RAD51D: variants seen among roughly 807,000 people sequenced by gnomAD.
The protein encoded by RAD51D is DNA repair protein RAD51 homolog 4.
A neutral mutation model predicts 44.1 loss-of-function variants in RAD51D; 38 were observed. That is an observed-to-expected ratio of 0.86 (90% CI 0.67 to 1.13). RAD51D has a LOEUF of 1.13. RAD51D is among the 50% of genes most tolerant of loss of function. The probability of loss-of-function intolerance (pLI) is 0.00; values close to 1 mark genes in which losing one functional copy is unlikely to be tolerated. For missense variants in RAD51D, 390 were observed against 414.0 expected (o/e 0.94, Z 0.50); for synonymous variants, 141 against 166.6 (o/e 0.85, Z 1.18).
rs1418810401 is a variant in RAD51D at position 35,097,551 on chromosome 17, A to G, written c.*3402T>C. 6.6e-6 allele frequency: 1 copy of G among 150,780 alleles called. No individual in the cohort carries two copies. The highest frequency in any genetic ancestry group is 1.5e-5 in the Non-Finnish European group (1 of 67,814). 9.3% of individuals were successfully genotyped at this position (150,780 alleles called of 1,614,324 possible). A position where few individuals can be genotyped will look rare whatever the true frequency, so the allele number is the denominator to read the frequency against. ...TATATATATGTATATGTATATGTAT[A>G]TTTTTTTCCTAAGAACTAGAGAGTG... On this transcript the variant is annotated 3_prime_UTR_variant, in exon 10 of 10. Coordinates refer to ENST00000345365, the MANE Select transcript of RAD51D (RefSeq NM_002878.4).
intron 8 of RAD51D, among the ~76,000 whole-genome samples, chr17:35,102,430 C>T (rs1426882638): frequency 7.5e-6 from 1 of 133,080 alleles, no homozygotes; most frequent in Non-Finnish European, 1.5e-5. Flanking sequence ...CATAAACCAG[C>T]GCACCTGGCC....
At position 35,113,953 on chromosome 17, in the gene RAD51D, A is replaced by G. The variant is rs140695585; in HGVS notation, c.263+4548T>C. On this transcript the variant is annotated intron_variant, in intron 3 of 9. Coordinates refer to ENST00000345365, the MANE Select transcript of RAD51D (RefSeq NM_002878.4). ...TCAGAACCATTAGACTAGAGTAGTT[A>G]GTCTCAATCCTGCCTGCACATTAAA... 4.0e-3 allele frequency among the ~76,000 whole-genome samples: 615 copies of G among 152,312 alleles called. 3 individuals are homozygous for G. Among genetic ancestry groups the G allele is most frequent in the African/African-American group, 0.014 (591 of 41,572 alleles).
rs1384702727 is a variant in RAD51D at position 35,100,314 on chromosome 17, G to C, written c.*639C>G. 1 of 534,292 alleles carries C rather than the reference G, an allele frequency of 1.9e-6. No individual in the cohort carries two copies. The highest frequency in any genetic ancestry group is 1.5e-5 in the South Asian group (1 of 65,170). The allele number at this position is 534,292 out of a possible 1,614,324, so 33.1% of individuals were successfully genotyped here. A position where few individuals can be genotyped will look rare whatever the true frequency, so the allele number is the denominator to read the frequency against. On this transcript the variant is annotated 3_prime_UTR_variant, in exon 10 of 10. Coordinates refer to ENST00000345365, the MANE Select transcript of RAD51D (RefSeq NM_002878.4). ...AGCAAGAGGAAAGGAGGAATAAACT[G>C]TTCTTTGGGCCTCACTGGGGGAAAC... is the stretch of plus-strand genomic sequence containing the variant.
chr17:35,116,639 C>T (rs2091751512), intron 3 of RAD51D, among the ~76,000 whole-genome samples: 1 of 151,980 alleles, frequency 6.6e-6, no homozygotes, highest in Admixed American at 6.6e-5. Context: ...GGACTACAGG[C>T]GCCCGCCACC....
chr17:35,100,683 G>T lies in RAD51D; in HGVS notation c.*270C>A. The T allele has an allele frequency of 1.7e-6, 1 of 599,372 alleles. No individual in the cohort carries two copies. The highest frequency in any genetic ancestry group is 3.1e-6 in the Non-Finnish European group (1 of 325,418). The allele number at this position is 599,372 out of a possible 1,614,324, so 37.1% of individuals were successfully genotyped here. A position where few individuals can be genotyped will look rare whatever the true frequency, so the allele number is the denominator to read the frequency against. The stretch of plus-strand genomic sequence containing the variant: ...AGATGCTCCCAGCCAGGGTGAACTT[G>T]GTTTCCACCAGAAACATACACGTTA... On this transcript the variant is annotated 3_prime_UTR_variant, in exon 10 of 10. Transcript: ENST00000345365.
rs775268017 is a variant in RAD51D at position 35,118,601 on chromosome 17, G to T, written c.163C>A (p.Arg55=). 1 of 1,614,184 alleles carries T rather than the reference G, an allele frequency of 6.2e-7. No individual in the cohort carries two copies. Among genetic ancestry groups the T allele is most frequent in the South Asian group, 1.1e-5 (1 of 91,092 alleles). The change falls in exon 3 of 10, where the codon CGG becomes AGG. Residue 55 remains arginine (R), a synonymous_variant. Transcript: ENST00000345365. ...LSYKALVALR[R]VLLAQFSAFP... ...GCCGAGAACTGAGCCAGCAGCACCC[G>T]CCTCAGGGCAACCAGGGCCTGCCAA...
rs554862083 is a variant in RAD51D, at chr17:35,093,433, T to G, written c.*7520A>C. 6.6e-6 allele frequency: 1 copy of G among 152,152 alleles called. No homozygotes were observed. Among genetic ancestry groups the G allele is most frequent in the African/African-American group, 2.4e-5 (1 of 41,406 alleles). 9.4% of individuals were successfully genotyped at this position (152,152 alleles called of 1,614,324 possible). A position where few individuals can be genotyped will look rare whatever the true frequency, so the allele number is the denominator to read the frequency against. The stretch of plus-strand genomic sequence containing the variant: ...AAGCTGAGGCTATTATACCAAAAAC[T>G]ATAGAGAGGCCAAGGAAGAGCAGAG... On this transcript the variant is annotated 3_prime_UTR_variant, in exon 10 of 10. Coordinates refer to ENST00000345365, the MANE Select transcript of RAD51D (RefSeq NM_002878.4).
chr17:35,116,988 T>C (rs1317285886), intron 3 of RAD51D: 1 of 1,613,918 alleles, frequency 6.2e-7, no homozygotes, highest in Non-Finnish European at 8.5e-7. Context: ...TGCGGGGACC[T>C]GAGGCAGCTG....
intron 3 of RAD51D, among the ~76,000 whole-genome samples, chr17:35,114,581 T>C (rs950528181): frequency 2.0e-5 from 3 of 152,032 alleles, no homozygotes; most frequent in African/African-American, 7.2e-5. Flanking sequence ...TCCCAGCTAC[T>C]TGGGAGGCTG....
rs956293755 is a variant in RAD51D, at chr17:35,119,673, G to A, written c.-60C>T. ...GCACGTCACGTGGGCATTCGCGGGGGGTCCTCTCCAGACGCCCCTCCCCTA... is the reference window on the plus strand; with the variant it reads ...GCACGTCACGTGGGCATTCGCGGGGAGTCCTCTCCAGACGCCCCTCCCCTA... On this transcript the variant is annotated 5_prime_UTR_variant, in exon 1 of 10. Transcript: ENST00000345365. 6.4e-7 allele frequency: 1 copy of A among 1,562,298 alleles called. No homozygotes were observed. Among genetic ancestry groups the A allele is most frequent in the Non-Finnish European group, 8.7e-7 (1 of 1,143,992 alleles).
chr17:35,098,694 C>T lies in RAD51D; in HGVS notation c.*2259G>A, dbSNP rs1212116290. 6.6e-6 allele frequency: 1 copy of T among 152,108 alleles called. No individual in the cohort carries two copies. Among genetic ancestry groups the T allele is most frequent in the African/African-American group, 2.4e-5 (1 of 41,392 alleles). 9.4% of individuals were successfully genotyped at this position (152,108 alleles called of 1,614,324 possible). ...GTGCTGGGATTACAGGCGTGAGCCA[C>T]CACACCCAGCCAATGTGGGAATTAA... On this transcript the variant is annotated 3_prime_UTR_variant, in exon 10 of 10. Transcript: ENST00000345365.
At chr17:35,113,546 G>C (rs1342525341) in intron 3 of RAD51D, 1 of 442,920 alleles carries the variant, frequency 2.3e-6, no homozygotes, top group Non-Finnish European at 4.5e-6. Context: ...TGGGATTATA[G>C]GCATGAGCCA....
intron 3 of RAD51D, among the ~76,000 whole-genome samples, chr17:35,117,660 T>A (rs1310267783): frequency 6.6e-6 from 1 of 152,252 alleles, no homozygotes; most frequent in East Asian, 1.9e-4. Flanking sequence ...CGACTAATTT[T>A]TGTATGTTTA....
In RAD51D at chr17:35,107,455, C is replaced by T. The variant is rs759532599; in HGVS notation, c.264-8G>A. The T allele has an allele frequency of 5.2e-6, 8 of 1,530,058 alleles. No individual in the cohort carries two copies. The East Asian group carries it at 1.8e-4, about 34-fold the overall frequency. 94.8% of individuals were successfully genotyped at this position (1,530,058 alleles called of 1,614,324 possible). On this transcript the variant is annotated splice_polypyrimidine_tract_variant and splice_region_variant and intron_variant, in intron 3 of 9. Coordinates refer to ENST00000345365, the MANE Select transcript of RAD51D (RefSeq NM_002878.4). ...TCAAGCAGTTTATCAAGACTGATGG[C>T]AGAAGAGAAGAAAATCAACACAAGA...
At chr17:35,116,620 G>T (rs1042657387) in intron 3 of RAD51D, among the ~76,000 whole-genome samples, 4 of 151,916 alleles carry the variant, frequency 2.6e-5, no homozygotes, top group South Asian at 2.1e-4. Flanking sequence ...TCAGCCTTCC[G>T]AGTAGCTGGG....
At chr17:35,113,836 A>T (rs1214643020) in intron 3 of RAD51D, among the ~76,000 whole-genome samples, 3 of 152,114 alleles carry the variant, frequency 2.0e-5, no homozygotes, top group Non-Finnish European at 4.4e-5. Flanking sequence ...GCTCCCCAAG[A>T]CCTACTGAAT....
rs876658762 is a variant in RAD51D, at chr17:35,101,298, C to T, written c.806G>A (p.Ser269Asn). The T allele has an allele frequency of 6.2e-7, 1 of 1,614,170 alleles. No homozygotes were observed. Among genetic ancestry groups the T allele is most frequent in the Non-Finnish European group, 8.5e-7 (1 of 1,180,032 alleles). ...GAGAATCCGAGTGCTGGGCACAAAG[C>T]TCCAGGAGCGTCCGAGGGCAGGTTT... ...RLKPALGRSW[S>N]FVPSTRILLD... Residue 269 changes from serine to asparagine, a missense_variant, in exon 9 of 10, where the codon AGC becomes AAC. Ser to Asn is a conservative substitution (Grantham distance 46, BLOSUM62 1). Coordinates refer to ENST00000345365, the MANE Select transcript of RAD51D (RefSeq NM_002878.4).
rs1483859285 is a variant in RAD51D at position 35,103,447 on chromosome 17, C to T, written c.667+7G>A. The T allele has an allele frequency of 6.2e-7, 1 of 1,614,004 alleles. No homozygotes were observed. Among genetic ancestry groups the T allele is most frequent in the Non-Finnish European group, 8.5e-7 (1 of 1,179,862 alleles). ...CCACTGGCCCCAGGCTCTGCCACAT[C>T]ACTCACCTTCCCTCTGCTGACCTCC... On this transcript the variant is annotated splice_region_variant and intron_variant, in intron 7 of 9. Transcript: ENST00000345365. This position sits in a 1 kb window ranked among gnomAD's most constrained non-coding sequence, Gnocchi z 4.1.
chr17:35,097,156 GTTGCCCAGGCTAGAGTACAGTGGCACA>G lies in RAD51D; in HGVS notation c.*3770_*3796del. The G allele has an allele frequency of 6.6e-6, 1 of 152,122 alleles. No homozygotes were observed. Among genetic ancestry groups the G allele is most frequent in the African/African-American group, 2.4e-5 (1 of 41,492 alleles). 9.4% of individuals were successfully genotyped at this position (152,122 alleles called of 1,614,324 possible). On this transcript the variant is annotated 3_prime_UTR_variant, in exon 10 of 10. Coordinates refer to ENST00000345365, the MANE Select transcript of RAD51D (RefSeq NM_002878.4). ...TATTTTTTAGATGGAGTCTCACTCT[GTTGCCCAGGCTAGAGTACAGTGGCACA>G]ATCTCGGCTCACTGCAACCTCCATC...
Sources: allele counts gnomAD v4.1 joint callset (sites outside exome capture counted in the v4.1 genomes callset), GRCh38; gene constraint gnomAD v4.1.1; non-coding constraint Gnocchi (gnomAD v3.1); transcripts MANE v1.5; gene names NCBI Gene and HGNC (gene_info 2026-07-23, HGNC 2026-07-21).